The following CCDC92B variants were observed in gnomAD, a reference collection of about 807,000 sequenced individuals.
The protein encoded by CCDC92B is coiled-coil domain containing 92B.
Under a neutral mutation model 5.6 loss-of-function variants are expected in CCDC92B, and 2 were observed. The observed-to-expected ratio is 0.36, with a 90% confidence interval of 0.15 to 1.12. The LOEUF is 1.12. Among genes scored for constraint, CCDC92B ranks in the 50% most tolerant of loss-of-function variants. The pLI, the probability that CCDC92B is intolerant of heterozygous loss-of-function variation, is 0.40. For missense variants in CCDC92B, 271 were observed against 262.2 expected (o/e 1.03, Z -0.23); for synonymous variants, 115 against 122.3 (o/e 0.94, Z 0.39).
At chr17:2,746,139 G>A (rs1362140556) in intron 1 of CCDC92B, among the ~76,000 whole-genome samples, 2 of 151,990 alleles carry the variant, frequency 1.3e-5, no homozygotes, top group African/African-American at 4.8e-5. Flanking sequence ...CCACCACCAC[G>A]CCTGGCTAAT....
intron 1 of CCDC92B, among the ~76,000 whole-genome samples, chr17:2,742,262 G>A (rs551733511): frequency 1.1e-4 from 16 of 152,020 alleles, no homozygotes; most frequent in Admixed American, 1.0e-3. Flanking sequence ...TAGAGATGGG[G>A]TCTCACTATG....
Position 2,724,388 on chromosome 17 carries a change from C to T in CCDC92B, c.*23G>A, listed in dbSNP as rs2070698498. On this transcript the variant is annotated 3_prime_UTR_variant, in exon 4 of 4. Coordinates refer to ENST00000614400, the MANE Select transcript of CCDC92B (RefSeq NM_001355573.2). This position sits in a 1 kb window ranked among gnomAD's most constrained non-coding sequence, Gnocchi z 5.0. ...TGGCCGGCCCTCCCCGTCCGTCCCG[C>T]GTCACCCCGGCCAGCCTGGCGCCTA... is the stretch of plus-strand genomic sequence containing the variant. 1.0e-6 allele frequency: 1 copy of T among 985,012 alleles called. No homozygotes were observed. The highest frequency in any genetic ancestry group is 1.2e-6 in the Non-Finnish European group (1 of 829,800). 61.0% of individuals were successfully genotyped at this position (985,012 alleles called of 1,614,324 possible).
intron 3 of CCDC92B, among the ~76,000 whole-genome samples, chr17:2,728,976 T>C (rs2151738222): frequency 6.6e-6 from 1 of 152,346 alleles, no homozygotes; most frequent in South Asian, 2.1e-4. Context: ...GAAGAGAGTC[T>C]GTTCTTAAGA....
chr17:2,732,283 A>G (rs1258943896), intron 2 of CCDC92B, among the ~76,000 whole-genome samples: 1 of 152,080 alleles, frequency 6.6e-6, no homozygotes, highest in Admixed American at 6.6e-5. Context: ...ACCGCCTCCC[A>G]GCTCTGGGTC....
intron 1 of CCDC92B, among the ~76,000 whole-genome samples, chr17:2,744,960 G>C (rs2070968267): frequency 6.6e-6 from 1 of 150,800 alleles, no homozygotes; most frequent in Admixed American, 6.7e-5. Flanking sequence ...TCCCAGCGTG[G>C]AGGCTGAGGT....
chr17:2,739,463 G>A (rs1363898863), intron 1 of CCDC92B, among the ~76,000 whole-genome samples: 4 of 151,440 alleles, frequency 2.6e-5, no homozygotes, highest in Non-Finnish European at 5.9e-5. Context: ...GGCAGATCAG[G>A]AGGTCAGGAG....
intron 2 of CCDC92B, among the ~76,000 whole-genome samples, chr17:2,730,799 C>T (rs1276048971): frequency 2.0e-5 from 3 of 152,244 alleles, no homozygotes; most frequent in Non-Finnish European, 2.9e-5. Flanking sequence ...GACTGAGGAG[C>T]CTGGCTTGTT....
At position 2,739,149 on chromosome 17, in the gene CCDC92B, C is replaced by T. The variant is rs188802163; in HGVS notation, c.-23-3981G>A. Among the ~76,000 whole-genome samples the T allele has an allele frequency of 3.8e-3, 577 of 150,712 alleles. 15 individuals are homozygous for T. The highest frequency in any genetic ancestry group is 0.013 in the African/African-American group (544 of 40,750). ...TTGGGAGGCCAAGGTGGGCGGATCA[C>T]GAGGTCAGGAGATCGAGACCATCCT... On this transcript the variant is annotated intron_variant, in intron 1 of 3. Transcript: ENST00000614400.
intron 1 of CCDC92B, among the ~76,000 whole-genome samples, chr17:2,745,539 T>C (rs972510041): frequency 6.6e-6 from 1 of 152,138 alleles, no homozygotes; most frequent in Non-Finnish European, 1.5e-5. Context: ...TTGGCAAATA[T>C]TCTTTCTTAG....
chr17:2,736,417 ACT>A (rs2070857962), intron 1 of CCDC92B, among the ~76,000 whole-genome samples: 1 of 151,568 alleles, frequency 6.6e-6, no homozygotes, highest in African/African-American at 2.4e-5. Context: ...ACAGGGTGAG[ACT>A]CTGTCTCTAA....
intron 1 of CCDC92B, chr17:2,748,258 T>C (rs1345817895): frequency 1.0e-5 from 9 of 893,636 alleles, no homozygotes; most frequent in Non-Finnish European, 1.5e-5. Flanking sequence ...TCTCTGCCTC[T>C]TGAAGCCTGA....
intron 2 of CCDC92B, among the ~76,000 whole-genome samples, chr17:2,733,744 C>CTT (rs386385447): frequency 0.028 from 1,400 of 49,320 alleles, 329 homozygotes; most frequent in Non-Finnish European, 0.036. Flanking sequence ...GGACCACTGG[C>CTT]TTTTTTTTTT....
intron 2 of CCDC92B, among the ~76,000 whole-genome samples, chr17:2,734,517 T>A (rs1263240976): frequency 6.8e-6 from 1 of 147,066 alleles, no homozygotes; most frequent in Non-Finnish European, 1.5e-5. Flanking sequence ...TGAGACAGAG[T>A]CTTGCTCTGT....
intron 3 of CCDC92B, among the ~76,000 whole-genome samples, chr17:2,725,349 C>G (rs1468385180): frequency 1.3e-5 from 2 of 151,976 alleles, no homozygotes; most frequent in African/African-American, 4.8e-5. Flanking sequence ...CGCCACTGCT[C>G]TCCAGCCTAG....
At chr17:2,731,263 C>T (rs952555226) in intron 2 of CCDC92B, among the ~76,000 whole-genome samples, 1 of 152,186 alleles carries the variant, frequency 6.6e-6, no homozygotes, top group South Asian at 2.1e-4. Flanking sequence ...TGCCTGTCCC[C>T]CCAGTCTCCA....
chr17:2,728,539 C>T (rs2070760626), intron 3 of CCDC92B, among the ~76,000 whole-genome samples: 3 of 151,056 alleles, frequency 2.0e-5, no homozygotes, highest in Admixed American at 6.6e-5. Context: ...GGAGGCAGAG[C>T]TTGCAGTGAG....
chr17:2,739,780 C>T (rs2070906951), intron 1 of CCDC92B, among the ~76,000 whole-genome samples: 1 of 152,070 alleles, frequency 6.6e-6, no homozygotes, highest in Non-Finnish European at 1.5e-5. Context: ...ATGCTACCTC[C>T]CTTCTTCCTC....
intron 3 of CCDC92B, among the ~76,000 whole-genome samples, chr17:2,725,234 CGTG>C (rs147255150): frequency 0.22 from 32,483 of 150,696 alleles, 4,106 homozygotes; most frequent in South Asian, 0.29. Flanking sequence ...ATTAGCCGGG[CGTG>C]GTGGTGGTGG....
intron 1 of CCDC92B, among the ~76,000 whole-genome samples, chr17:2,736,916 T>TAAATA (rs1322825145): frequency 2.2e-5 from 3 of 138,736 alleles, no homozygotes; most frequent in African/African-American, 9.1e-5. Flanking sequence ...ATAAATAAAA[T>TAAATA]ACATACATAC....
Sources: gnomAD v4.1 joint callset for allele counts (sites outside exome capture counted in the v4.1 genomes callset) on GRCh38, gnomAD v4.1.1 for gene constraint, Gnocchi (gnomAD v3.1) non-coding constraint, MANE v1.5 for transcripts, NCBI Gene and HGNC (gene_info 2026-07-23, HGNC 2026-07-21) for gene names.